CACNA2D4: variants seen among roughly 807,000 people sequenced by gnomAD.
The protein encoded by CACNA2D4 is voltage-dependent calcium channel subunit alpha-2/delta-4.
A neutral mutation model predicts 163.8 loss-of-function variants in CACNA2D4; 157 were observed. That is an observed-to-expected ratio of 0.96 (90% CI 0.84 to 1.09). The LOEUF is 1.09. CACNA2D4 is among the 50% of genes least tolerant of loss of function. The pLI, the probability that CACNA2D4 is intolerant of heterozygous loss-of-function variation, is 0.00. For missense variants in CACNA2D4, 1,410 were observed against 1,479.9 expected, an observed-to-expected ratio of 0.95 and a Z score of 0.78; for synonymous variants, 598 against 586.9, an observed-to-expected ratio of 1.02 and a Z score of -0.27.
At position 1,882,955 on chromosome 12, in the gene CACNA2D4, A is replaced by T. The variant is rs774665477; in HGVS notation, c.1397T>A (p.Val466Glu). 1 of 1,613,370 alleles carries T rather than the reference A, an allele frequency of 6.2e-7. No individual in the cohort carries two copies. Among genetic ancestry groups the T allele is most frequent in the Non-Finnish European group, 8.5e-7 (1 of 1,179,682 alleles). ...GCTGAGCACGTGCAGGTATTCCATC[A>T]CGTTCTCCTGGGTGTCCGCCAGCGT... Reference protein sequence around the residue: ...ISTLADTQENVMEYLHVLSRP... With the variant: ...ISTLADTQENEMEYLHVLSRP... Residue 466 changes from valine to glutamate, a missense_variant, in exon 13 of 38, where the codon GTG becomes GAG. Coordinates refer to ENST00000382722, the MANE Select transcript of CACNA2D4 (RefSeq NM_172364.5).
intron 26 of CACNA2D4, among the ~76,000 whole-genome samples, chr12:1,813,472 G>T (rs894534078): frequency 6.6e-6 from 1 of 152,226 alleles, no homozygotes; most frequent in Non-Finnish European, 1.5e-5. Context: ...CGTGGCTACT[G>T]AGAACTCGGA....
At chr12:1,890,711 A>G (rs1337688849) in intron 6 of CACNA2D4, among the ~76,000 whole-genome samples, 1 of 152,194 alleles carries the variant, frequency 6.6e-6, no homozygotes, top group Non-Finnish European at 1.5e-5. Flanking sequence ...CAGTGTCTGC[A>G]TGCCCCAGCA....
At chr12:1,907,180 G>C (rs1053542765) in intron 6 of CACNA2D4, among the ~76,000 whole-genome samples, 4 of 152,268 alleles carry the variant, frequency 2.6e-5, no homozygotes, top group African/African-American at 9.6e-5. Flanking sequence ...CATGGGACAG[G>C]AGCTTCATGT....
chr12:1,831,055 C>A (rs1361771201), intron 26 of CACNA2D4: 1 of 1,613,934 alleles, frequency 6.2e-7, no homozygotes, highest in Non-Finnish European at 8.5e-7. Flanking sequence ...ACCACGGTGC[C>A]CCCAGACGTG....
chr12:1,811,297 T>C (rs1863699852), intron 27 of CACNA2D4, among the ~76,000 whole-genome samples: 2 of 152,172 alleles, frequency 1.3e-5, no homozygotes, highest in Admixed American at 1.3e-4. Context: ...GAGCTGGGAA[T>C]TCTCAGCCAG....
chr12:1,915,127 A>AC, intron 1 of CACNA2D4, 192 bp from the exon 2 acceptor site: 2 of 703,968 alleles, frequency 2.8e-6, no homozygotes, highest in Non-Finnish European at 5.2e-6. Context: ...ACACATACAT[A>AC]CCCCCCACAC....
In CACNA2D4 at chr12:1,895,235, A is replaced by G. The variant is rs148271862; in HGVS notation, c.782-8166T>C. ...ACTGATGAAAAAAATTGAAGAGGAT[A>G]CAAATGAAAAGATTTTATGTTTATG... On this transcript the variant is annotated intron_variant, in intron 6 of 37. Coordinates refer to ENST00000382722, the MANE Select transcript of CACNA2D4 (RefSeq NM_172364.5). Among the ~76,000 whole-genome samples, 643 of 152,330 alleles carry G rather than the reference A, an allele frequency of 4.2e-3. 5 individuals are homozygous for G. The highest frequency in any genetic ancestry group is 0.015 in the African/African-American group (621 of 41,582).
intron 6 of CACNA2D4, among the ~76,000 whole-genome samples, chr12:1,897,141 C>T (rs7314799): frequency 0.15 from 22,931 of 152,058 alleles, 1,998 homozygotes; most frequent in African/African-American, 0.24. Flanking sequence ...ACAAGCACTA[C>T]ATGTTCTCGT....
rs372591570 is a variant in CACNA2D4 at position 1,907,888 on chromosome 12, G to C, written c.636C>G (p.Asn212Lys). 3 of 1,613,896 alleles carry C rather than the reference G, an allele frequency of 1.9e-6. No individual in the cohort carries two copies. In the African/African-American group the frequency reaches 4.0e-5, roughly 22 times the overall value. The change falls in exon 5 of 38, where the codon AAC (asparagine) becomes AAG (lysine). Residue 212 changes from asparagine (N) to lysine (K), a missense_variant. By Grantham distance (94) the Asn-to-Lys change is moderately conservative. Transcript: ENST00000382722. ...TSISSVQLPT[N>K]VYNKDPDILN... ...CGTGCCGGCTACCTTTGTTGTACAC[G>C]TTGGTGGGCAGCTGCACGCTGCTGA...
At chr12:1,892,729 T>C (rs1866315690) in intron 6 of CACNA2D4, among the ~76,000 whole-genome samples, 3 of 152,086 alleles carry the variant, frequency 2.0e-5, no homozygotes, top group East Asian at 1.9e-4. Flanking sequence ...GGACCAACTA[T>C]ATGCTGCCTA....
intron 1 of CACNA2D4, 157 bp downstream of exon 1, chr12:1,918,090 G>T: frequency 1.6e-6 from 1 of 639,406 alleles, no homozygotes. Context: ...AGAAGCAAAG[G>T]GCTTTACAGC....
At chr12:1,885,775 T>G (rs542117230) in intron 9 of CACNA2D4, among the ~76,000 whole-genome samples, 190 bp downstream of exon 9, 1 of 152,342 alleles carries the variant, frequency 6.6e-6, no homozygotes, top group East Asian at 1.9e-4. Flanking sequence ...GCTCACTGTT[T>G]GCTCTGATAA....
intron 27 of CACNA2D4, among the ~76,000 whole-genome samples, chr12:1,811,429 C>T (rs577371486): frequency 4.6e-5 from 7 of 152,240 alleles, no homozygotes; most frequent in African/African-American, 1.7e-4. Context: ...TTTGGAGTGG[C>T]GAGAAGGGGT....
chr12:1,848,130 C>T (rs1438944419), intron 23 of CACNA2D4, among the ~76,000 whole-genome samples: 1 of 152,208 alleles, frequency 6.6e-6, no homozygotes. Flanking sequence ...AGTTGTGCCA[C>T]CGTCAGCACT....
At position 1,840,830 on chromosome 12, in the gene CACNA2D4, A is replaced by T; in HGVS notation, c.2471-11T>A. 1 of 1,544,344 alleles carries T rather than the reference A, an allele frequency of 6.5e-7. No individual in the cohort carries two copies. The highest frequency in any genetic ancestry group is 2.4e-5 in the East Asian group (1 of 42,024). ...GTTCACCCGCACTTTCTGGGGAAAC[A>T]GAGACAACCCAGTCATGGGGAAGAG... On this transcript the variant is annotated splice_polypyrimidine_tract_variant and intron_variant, in intron 25 of 37. Coordinates refer to ENST00000382722, the MANE Select transcript of CACNA2D4 (RefSeq NM_172364.5).
chr12:1,882,392 T>C (rs1866024709), intron 13 of CACNA2D4, among the ~76,000 whole-genome samples: 1 of 152,236 alleles, frequency 6.6e-6, no homozygotes. Flanking sequence ...AAAGGTCCCA[T>C]GTGAAGCTCT....
In CACNA2D4 at chr12:1,800,029, C is replaced by A; in HGVS notation, c.2945G>T (p.Trp982Leu). 6.2e-7 allele frequency: 1 copy of A among 1,604,734 alleles called. No homozygotes were observed. Reference protein sequence around the residue: ...LVLFLLEWSVWGSWYDRGAEA... With the variant: ...LVLFLLEWSVLGSWYDRGAEA... ...GGCCCCTCTGTCGTACCAGGAGCCC[C>A]AGACACTCCACTCCAGCAGGAACCT... Residue 982 changes from tryptophan (W) to leucine (L), a missense_variant, in exon 33 of 38, where the codon TGG becomes TTG. By Grantham distance (61) the Trp-to-Leu change is moderately conservative (BLOSUM62 -2). Coordinates refer to ENST00000382722, the MANE Select transcript of CACNA2D4 (RefSeq NM_172364.5).
intron 6 of CACNA2D4, among the ~76,000 whole-genome samples, chr12:1,895,439 A>G (rs1866380417): frequency 6.6e-6 from 1 of 152,074 alleles, no homozygotes; most frequent in Non-Finnish European, 1.5e-5. Flanking sequence ...AAAAACAAAA[A>G]CATAAACAAA....
intron 26 of CACNA2D4, among the ~76,000 whole-genome samples, chr12:1,825,707 C>A (rs1864285921): frequency 6.6e-6 from 1 of 152,190 alleles, no homozygotes; most frequent in Admixed American, 6.5e-5. Flanking sequence ...GCTCCAAGCA[C>A]AGGTCTGGGA....
Sources: gnomAD v4.1 joint callset for allele counts (sites outside exome capture counted in the v4.1 genomes callset) on GRCh38, gnomAD v4.1.1 for gene constraint, MANE v1.5 for transcripts, NCBI Gene and HGNC (gene_info 2026-07-23, HGNC 2026-07-21) for gene names.